CCDC186: variants seen among roughly 807,000 people sequenced by gnomAD.
CCDC186 encodes the protein coiled-coil domain containing 186.
In CCDC186, 49 loss-of-function variants were observed where a neutral mutation model predicts 113.7. The observed-to-expected ratio is 0.43, with a 90% CI of 0.34 to 0.55. The LOEUF is 0.55. CCDC186 is among the 20% of genes least tolerant of loss of function. The pLI is 0.02. For synonymous variants in CCDC186, 355 were observed against 345.8 expected (o/e 1.03, Z -0.30); for missense variants, 890 against 1,011.1 (o/e 0.88, Z 1.62).
At chr10:114,164,116 T>A (rs11196645) in intron 1 of CCDC186, among the ~76,000 whole-genome samples, 3,795 of 95,138 alleles carry the variant, frequency 0.04, 70 homozygotes, top group South Asian at 0.073. Context: ...ATATATATAT[T>A]TTTTTTTTTT....
chr10:114,121,558 G>C lies in CCDC186; in HGVS notation c.*3585C>G, dbSNP rs2030723863. 1 of 151,996 alleles carries C rather than the reference G, an allele frequency of 6.6e-6. No individual in the cohort carries two copies. Among genetic ancestry groups the C allele is most frequent in the Non-Finnish European group, 1.5e-5 (1 of 67,982 alleles). 9.4% of individuals were successfully genotyped at this position (151,996 alleles called of 1,614,324 possible). A position where few individuals can be genotyped will look rare whatever the true frequency, so the allele number is the denominator to read the frequency against. ...AATCTAATGCCATCTTATGGTCTTT[G>C]GATTTTTTATTTTTTCTTAAATAAT... On this transcript the variant is annotated 3_prime_UTR_variant, in exon 16 of 16. Transcript: ENST00000369287.
chr10:114,143,290 T>A (rs1465773171), intron 6 of CCDC186, among the ~76,000 whole-genome samples: 1 of 152,164 alleles, frequency 6.6e-6, no homozygotes, highest in African/African-American at 2.4e-5. Flanking sequence ...TTCTAACAGG[T>A]TTCAGGAGCC....
At chr10:114,155,027 C>T (rs1014855398) in intron 3 of CCDC186, among the ~76,000 whole-genome samples, 1 of 152,122 alleles carries the variant, frequency 6.6e-6, no homozygotes, top group Non-Finnish European at 1.5e-5. Flanking sequence ...ACGTCCAGAA[C>T]AGGCAAATAT....
Position 114,163,334 on chromosome 10 carries a change from G to T in CCDC186, c.-61-5C>A. The T allele has an allele frequency of 2.6e-6, 4 of 1,536,072 alleles. No homozygotes were observed. The highest frequency in any genetic ancestry group is 1.4e-5 in the African/African-American group (1 of 72,200). On this transcript the variant is annotated splice_polypyrimidine_tract_variant and splice_region_variant and intron_variant, in intron 1 of 15. Transcript: ENST00000369287. ...CTCCTGATCTTCGTTTTACATCTAA[G>T]AAATTGAAACATCAAAATTAAAAAC...
chr10:114,166,652 G>C (rs777772687), intron 1 of CCDC186, among the ~76,000 whole-genome samples: 1 of 152,114 alleles, frequency 6.6e-6, no homozygotes, highest in African/African-American at 2.4e-5. Context: ...ACATTTACAC[G>C]CATTTTTGCA....
chr10:114,158,994 G>T (rs1275781072), intron 2 of CCDC186, among the ~76,000 whole-genome samples: 1 of 152,178 alleles, frequency 6.6e-6, no homozygotes. Context: ...AATGTCAGCT[G>T]GTGATTAAAT....
intron 12 of CCDC186, chr10:114,130,663 C>T (rs945160548): frequency 2.0e-5 from 3 of 151,676 alleles, no homozygotes; most frequent in African/African-American, 4.9e-5. Context: ...CCCTAGATGC[C>T]GGTAGCCTAG....
intron 4 of CCDC186, among the ~76,000 whole-genome samples, chr10:114,149,858 A>AGGCAGGCAGGCAGGCAGGAAGGCAGGC (rs2031792827): frequency 4.8e-5 from 6 of 124,964 alleles, no homozygotes; most frequent in African/African-American, 1.8e-4. Flanking sequence ...GGCAGGCAGG[A>AGGCAGGCAGGCAGGCAGGAAGGCAGGC]AGGCAGGCAG....
chr10:114,156,809 T>C lies in CCDC186; in HGVS notation c.759+745A>G, dbSNP rs536462422. ...CCAGTAAGCCAGATACAATCTAAAG[T>C]ATGACAGCCAGCCTTCACAATATAG... On this transcript the variant is annotated intron_variant, in intron 3 of 15. Coordinates refer to ENST00000369287, the MANE Select transcript of CCDC186 (RefSeq NM_018017.4). Among the ~76,000 whole-genome samples, 3 of 152,182 alleles carry C rather than the reference T, an allele frequency of 2.0e-5. No individual in the cohort carries two copies. The South Asian group carries it at 6.2e-4, about 32-fold the overall frequency.
intron 3 of CCDC186, among the ~76,000 whole-genome samples, chr10:114,154,846 T>A (rs966459630): frequency 1.2e-4 from 18 of 152,050 alleles, no homozygotes; most frequent in Non-Finnish European, 2.9e-5. Context: ...GATGAAGGGG[T>A]AAACAAAATA....
chr10:114,131,797 C>G (rs1010563645), intron 11 of CCDC186, 132 bp downstream of exon 11: 97 of 645,204 alleles, frequency 1.5e-4, no homozygotes, highest in Admixed American at 9.7e-4. Context: ...ACATTTCTTA[C>G]AGCAGTTGAA....
intron 1 of CCDC186, among the ~76,000 whole-genome samples, chr10:114,164,154 G>A (rs1327333028): frequency 8.7e-6 from 1 of 115,360 alleles, no homozygotes; most frequent in African/African-American, 3.5e-5. Context: ...GAGTCTCACT[G>A]TCGTTGCCCG....
chr10:114,133,488 C>A (rs1401556604), intron 10 of CCDC186, among the ~76,000 whole-genome samples: 1 of 152,064 alleles, frequency 6.6e-6, no homozygotes, highest in African/African-American at 2.4e-5. Context: ...AAAAGTCCTG[C>A]AGCATACTAT....
At chr10:114,159,738 T>C (rs1313845125) in intron 2 of CCDC186, among the ~76,000 whole-genome samples, 2 of 151,578 alleles carry the variant, frequency 1.3e-5, no homozygotes, top group Non-Finnish European at 2.9e-5. Context: ...GTGGATAGCC[T>C]GAGTTCTGGA....
chr10:114,164,111 TA>T lies in CCDC186; in HGVS notation c.-61-783del, dbSNP rs1261544368. 4.2e-3 allele frequency among the ~76,000 whole-genome samples: 553 copies of T among 130,150 alleles called. 16 individuals are homozygous for T. Among genetic ancestry groups the T allele is most frequent in the Middle Eastern group, 0.019 (5 of 258 alleles). The allele number at this position is 130,150 out of a possible 152,430, so 85.4% of individuals were successfully genotyped here. A position where few individuals can be genotyped will look rare whatever the true frequency, so the allele number is the denominator to read the frequency against. ...GTGTGTGTGTGTGTGTGTATATATA[TA>T]TATTTTTTTTTTTTTTTTTTTTTTT... On this transcript the variant is annotated intron_variant, in intron 1 of 15. Transcript: ENST00000369287.
At chr10:114,147,973 A>C (rs1163908022) in intron 4 of CCDC186, among the ~76,000 whole-genome samples, 2 of 152,054 alleles carry the variant, frequency 1.3e-5, no homozygotes, top group African/African-American at 2.4e-5. Flanking sequence ...TACAAAAAAA[A>C]CAAAAAACAA....
chr10:114,125,802 C>A, intron 15 of CCDC186, 84 bp downstream of exon 15: 2 of 1,150,110 alleles, frequency 1.7e-6, no homozygotes, highest in South Asian at 1.4e-5. Context: ...CAGAAACAGC[C>A]CAGCTGATTG....
chr10:114,173,290 T>C, intron 1 of CCDC186: 1 of 448,596 alleles, frequency 2.2e-6, no homozygotes, highest in South Asian at 1.6e-5. Flanking sequence ...GATGGGAATA[T>C]TAGGTGAAGT....
At chr10:114,167,083 C>T (rs532435649) in intron 1 of CCDC186, among the ~76,000 whole-genome samples, 16 of 147,978 alleles carry the variant, frequency 1.1e-4, no homozygotes, top group Admixed American at 7.5e-4. Flanking sequence ...TGCAATGGCG[C>T]GATCTCGGCT....
Sources: allele counts gnomAD v4.1 joint callset (sites outside exome capture counted in the v4.1 genomes callset), GRCh38; gene constraint gnomAD v4.1.1; transcripts MANE v1.5; gene names NCBI Gene and HGNC (gene_info 2026-07-23, HGNC 2026-07-21).